The following ACADSB variants were observed in gnomAD, a reference collection of about 807,000 sequenced individuals.
The protein encoded by ACADSB is short/branched chain specific acyl-CoA dehydrogenase, mitochondrial.
Under a neutral mutation model 54.1 loss-of-function variants are expected in ACADSB, and 40 were observed. The ratio of observed to expected loss-of-function variants is 0.74; its 90% CI spans 0.57 to 0.96. The LOEUF (loss-of-function observed/expected upper bound fraction) is 0.96, where lower values mean the gene tolerates loss of function less well. ACADSB is among the 40% of genes least tolerant of loss of function. The pLI is 0.00. For missense variants in ACADSB, 530 were observed against 510.4 expected (o/e 1.04, Z -0.37); for synonymous variants, 182 against 182.8 (o/e 1.00, Z 0.03).
intron 2 of ACADSB, among the ~76,000 whole-genome samples, chr10:123,037,292 G>A (rs2133477252): frequency 6.6e-6 from 1 of 152,332 alleles, no homozygotes; most frequent in Non-Finnish European, 1.5e-5. Context: ...GGGATATGCT[G>A]ACATAGAAAG....
chr10:123,046,535 G>A lies in ACADSB; in HGVS notation c.901-674G>A, dbSNP rs191108800. 2.6e-5 allele frequency among the ~76,000 whole-genome samples: 4 copies of A among 152,268 alleles called. No individual in the cohort carries two copies. In the East Asian group the frequency reaches 5.8e-4, roughly 22 times the overall value. On this transcript the variant is annotated intron_variant, in intron 7 of 10. Transcript: ENST00000358776. ...GTTCTCAACCCTAGCTGTGTATTAA[G>A]TCACTAAGGAGTTTTACAGAGTTGA...
At position 123,047,201 on chromosome 10, in the gene ACADSB, T is replaced by C; in HGVS notation, c.901-8T>C. On this transcript the variant is annotated splice_polypyrimidine_tract_variant and splice_region_variant and intron_variant, in intron 7 of 10. Transcript: ENST00000358776. ...AGAAATTCTGATCTTATTTTTTTGT[T>C]TTAACAGATGCTGGGACTGGCGCAA... The C allele has an allele frequency of 6.3e-7, 1 of 1,590,198 alleles. No homozygotes were observed. Among genetic ancestry groups the C allele is most frequent in the Non-Finnish European group, 8.6e-7 (1 of 1,158,290 alleles).
chr10:123,048,144 G>C (rs992229347), intron 8 of ACADSB, among the ~76,000 whole-genome samples: 2 of 152,144 alleles, frequency 1.3e-5, no homozygotes, highest in African/African-American at 4.8e-5. Context: ...GCAGCTCTGG[G>C]CTCCAAGTAC....
chr10:123,053,171 T>C lies in ACADSB; in HGVS notation c.1228+11T>C, dbSNP rs988652736. 14 of 766,482 alleles carry C rather than the reference T, an allele frequency of 1.8e-5. No homozygotes were observed. The highest frequency in any genetic ancestry group is 1.9e-5 in the Non-Finnish European group (12 of 620,394). The allele number at this position is 766,482 out of a possible 1,614,324, so 47.5% of individuals were successfully genotyped here. Reference sequence around the variant, plus strand: ...GAGATGCAAAGATTGGTAAATAGATTTTTTTTTTTTACATTTTATTTTGTT... The same window carrying C: ...GAGATGCAAAGATTGGTAAATAGATCTTTTTTTTTTACATTTTATTTTGTT... On this transcript the variant is annotated intron_variant, in intron 10 of 10. Transcript: ENST00000358776.
chr10:123,024,685 A>C (rs1157382154), intron 1 of ACADSB, among the ~76,000 whole-genome samples: 4 of 152,242 alleles, frequency 2.6e-5, no homozygotes, highest in Non-Finnish European at 4.4e-5. Context: ...AACAAAAGCA[A>C]AGATGTATTG....
chr10:123,025,204 A>G (rs574486878), intron 1 of ACADSB, among the ~76,000 whole-genome samples: 2 of 152,226 alleles, frequency 1.3e-5, no homozygotes, highest in Non-Finnish European at 2.9e-5. Context: ...GTCTGCAATC[A>G]CTGCACTTTG....
At chr10:123,021,656 G>T (rs866486434) in intron 1 of ACADSB, among the ~76,000 whole-genome samples, 1 of 152,156 alleles carries the variant, frequency 6.6e-6, no homozygotes, top group Non-Finnish European at 1.5e-5. Flanking sequence ...GACAAAACGT[G>T]CAGTAGTTGT....
intron 6 of ACADSB, among the ~76,000 whole-genome samples, chr10:123,044,030 A>G (rs1850515168): frequency 6.6e-6 from 1 of 152,188 alleles, no homozygotes; most frequent in Non-Finnish European, 1.5e-5. Context: ...TGTTTTTGCA[A>G]GTATTTGCAG....
chr10:123,017,358 G>A (rs2133456861), intron 1 of ACADSB, among the ~76,000 whole-genome samples: 1 of 152,136 alleles, frequency 6.6e-6, no homozygotes, highest in South Asian at 2.1e-4. Flanking sequence ...CATTCTTGTT[G>A]CCTAGGCTGG....
At chr10:123,044,967 C>T (rs1397863017) in intron 7 of ACADSB, among the ~76,000 whole-genome samples, 2 of 151,226 alleles carry the variant, frequency 1.3e-5, no homozygotes, top group African/African-American at 2.4e-5. Flanking sequence ...AAAATAGCCA[C>T]AGTTAAGTAG....
chr10:123,052,358 A>C lies in ACADSB; in HGVS notation c.1129-703A>C, dbSNP rs1468199812. On this transcript the variant is annotated intron_variant, in intron 9 of 10. Transcript: ENST00000358776. The surrounding 1 kb of genome is among the most constrained non-coding windows in gnomAD (Gnocchi z 4.2). ...ACTCGTAGCCCCTTCCTCCATCTTC[A>C]AAGCCAACAATGTGGCATGTTCAGA... 1.3e-5 allele frequency among the ~76,000 whole-genome samples: 2 copies of C among 152,104 alleles called. No individual in the cohort carries two copies. Among genetic ancestry groups the C allele is most frequent in the Non-Finnish European group, 2.9e-5 (2 of 68,018 alleles).
chr10:123,038,716 C>A (rs1309597412), intron 3 of ACADSB, among the ~76,000 whole-genome samples: 1 of 152,100 alleles, frequency 6.6e-6, no homozygotes, highest in Non-Finnish European at 1.5e-5. Flanking sequence ...TTATTTATTT[C>A]TGTTTTAAAG....
rs746617415 is a variant in ACADSB, at chr10:123,044,499, A to G, written c.900+14A>G. 1.9e-6 allele frequency: 3 copies of G among 1,586,074 alleles called. No individual in the cohort carries two copies. The highest frequency in any genetic ancestry group is 1.7e-5 in the Admixed American group (1 of 60,000). ...ATTGCTGCACAGGTAAGTCAGATTT[A>G]AACTCTTCCATGATGTGAGTCAATT... On this transcript the variant is annotated intron_variant, in intron 7 of 10. Transcript: ENST00000358776.
intron 9 of ACADSB, among the ~76,000 whole-genome samples, chr10:123,051,668 A>G (rs981482255): frequency 1.3e-5 from 2 of 152,162 alleles, no homozygotes; most frequent in African/African-American, 4.8e-5. Flanking sequence ...CTACTCATAC[A>G]TTTGCTTTCT....
chr10:123,031,564 A>T (rs888854552), intron 1 of ACADSB, among the ~76,000 whole-genome samples: 5 of 152,222 alleles, frequency 3.3e-5, no homozygotes, highest in African/African-American at 1.2e-4. Flanking sequence ...GAAAATCAAC[A>T]TCAAAACATC....
chr10:123,049,409 T>C (rs1448394062), intron 8 of ACADSB, among the ~76,000 whole-genome samples: 3 of 152,220 alleles, frequency 2.0e-5, no homozygotes, highest in Non-Finnish European at 2.9e-5. Flanking sequence ...TGAGTTCTTG[T>C]AGAGGAGGAG....
At chr10:123,009,191 G>C in intron 1 of ACADSB, 120 bp downstream of exon 1, 3 of 1,144,322 alleles carry the variant, frequency 2.6e-6, no homozygotes, top group Non-Finnish European at 3.8e-6. Context: ...TCCACGTCCT[G>C]GGTCCCCAGA....
chr10:123,015,614 A>C (rs1850101201), intron 1 of ACADSB, among the ~76,000 whole-genome samples: 1 of 152,210 alleles, frequency 6.6e-6, no homozygotes, highest in Admixed American at 6.5e-5. Flanking sequence ...GTACTCCATG[A>C]AGGAGGGGAA....
At chr10:123,037,151 C>T (rs1048622943) in intron 2 of ACADSB, among the ~76,000 whole-genome samples, 8 of 152,224 alleles carry the variant, frequency 5.3e-5, no homozygotes, top group African/African-American at 1.9e-4. Flanking sequence ...GGCCGGGCTG[C>T]TGCTCAACAT....
Sources: gnomAD v4.1 joint callset for allele counts (sites outside exome capture counted in the v4.1 genomes callset) on GRCh38, gnomAD v4.1.1 for gene constraint, Gnocchi (gnomAD v3.1) non-coding constraint, MANE v1.5 for transcripts, NCBI Gene and HGNC (gene_info 2026-07-23, HGNC 2026-07-21) for gene names.